The following SCAMP1 variants were observed in gnomAD, a reference collection of about 807,000 sequenced individuals.
SCAMP1 encodes secretory carrier-associated membrane protein 1.
In SCAMP1, 15 loss-of-function variants were observed where a neutral mutation model predicts 41.8. The ratio of observed to expected loss-of-function variants is 0.36; its 90% CI spans 0.24 to 0.55. SCAMP1 has a LOEUF of 0.55. Ranked by LOEUF, SCAMP1 falls within the 20% of genes least tolerant of loss-of-function variation. The probability of loss-of-function intolerance (pLI) is 0.86; values close to 1 mark genes in which losing one functional copy is unlikely to be tolerated. For missense variants in SCAMP1, 341 were observed against 412.6 expected (o/e 0.83, Z 1.50); for synonymous variants, 135 against 136.8 (o/e 0.99, Z 0.09).
At chr5:78,366,876 C>G (rs1056813832) in intron 1 of SCAMP1, among the ~76,000 whole-genome samples, 1 of 142,908 alleles carries the variant, frequency 7.0e-6, no homozygotes, top group Non-Finnish European at 1.5e-5. Context: ...ATCTAAGCTA[C>G]TTGGGAGGCT....
intron 8 of SCAMP1, among the ~76,000 whole-genome samples, chr5:78,466,498 G>A (rs955977964): frequency 5.3e-5 from 8 of 152,166 alleles, no homozygotes; most frequent in African/African-American, 1.4e-4. Context: ...GGGATACCAC[G>A]TTCACATCTA....
Position 78,431,327 on chromosome 5 carries a change from A to G in SCAMP1, c.632+9367A>G, listed in dbSNP as rs542976773. ...TAAAATGTTCAAAATGCTTTTGCAG[A>G]CGCAACTATAGGTTGCCAACCAAAA... On this transcript the variant is annotated intron_variant, in intron 6 of 8. Transcript: ENST00000621999. Among the ~76,000 whole-genome samples, 1,477 of 151,306 alleles carry G rather than the reference A, an allele frequency of 9.8e-3. 6 individuals are homozygous for G. The highest frequency in any genetic ancestry group is 0.015 in the Non-Finnish European group (1,020 of 67,708).
At chr5:78,446,485 T>C (rs1462553158) in intron 6 of SCAMP1, among the ~76,000 whole-genome samples, 2 of 150,404 alleles carry the variant, frequency 1.3e-5, no homozygotes, top group Non-Finnish European at 3.0e-5. Context: ...GCACACAAAA[T>C]AGTAAAAACT....
intron 5 of SCAMP1, among the ~76,000 whole-genome samples, chr5:78,420,080 G>T (rs971416265): frequency 2.0e-5 from 3 of 152,018 alleles, no homozygotes; most frequent in Non-Finnish European, 4.4e-5. Context: ...TTTTGAGACA[G>T]AGTCTTGCTT....
chr5:78,420,729 T>C (rs1487705091), intron 5 of SCAMP1, among the ~76,000 whole-genome samples: 1 of 152,090 alleles, frequency 6.6e-6, no homozygotes, highest in African/African-American at 2.4e-5. Context: ...AAAACAAAAC[T>C]CTAGAGCTTG....
chr5:78,411,212 G>A (rs184000170), intron 2 of SCAMP1, among the ~76,000 whole-genome samples: 18 of 152,004 alleles, frequency 1.2e-4, no homozygotes, highest in East Asian at 7.7e-4. Context: ...ATCTTTGCCC[G>A]TGCCTACACC....
At chr5:78,366,582 A>C (rs1312878333) in intron 1 of SCAMP1, among the ~76,000 whole-genome samples, 3 of 152,238 alleles carry the variant, frequency 2.0e-5, no homozygotes, top group Non-Finnish European at 2.9e-5. Context: ...TTAAGGAAAC[A>C]AACGTTCAGA....
At chr5:78,434,736 T>G (rs1048974496) in intron 6 of SCAMP1, among the ~76,000 whole-genome samples, 1 of 152,176 alleles carries the variant, frequency 6.6e-6, no homozygotes, top group African/African-American at 2.4e-5. Flanking sequence ...CACTTCAGAG[T>G]AAATCACTAC....
At chr5:78,376,643 CATTA>C (rs1253815323) in intron 1 of SCAMP1, among the ~76,000 whole-genome samples, 2 of 152,178 alleles carry the variant, frequency 1.3e-5, no homozygotes, top group Non-Finnish European at 2.9e-5. Context: ...ATCTACTTCA[CATTA>C]ATTATATCTG....
chr5:78,462,274 C>T (rs1157798810), intron 8 of SCAMP1, among the ~76,000 whole-genome samples: 3 of 150,906 alleles, frequency 2.0e-5, no homozygotes, highest in African/African-American at 4.9e-5. Context: ...TCAGCTTGAA[C>T]GTTGTTGGTG....
chr5:78,470,467 G>T (rs1382589421), intron 8 of SCAMP1, among the ~76,000 whole-genome samples: 1 of 152,048 alleles, frequency 6.6e-6, no homozygotes, highest in African/African-American at 2.4e-5. Flanking sequence ...TGTTTTCAAG[G>T]TTCATCCGTG....
intron 7 of SCAMP1, among the ~76,000 whole-genome samples, chr5:78,456,051 A>T (rs1476831288): frequency 1.2e-5 from 1 of 84,086 alleles, no homozygotes; most frequent in Non-Finnish European, 2.3e-5. Context: ...ATCTTCCTCC[A>T]TCCTTTTATT....
intron 8 of SCAMP1, among the ~76,000 whole-genome samples, chr5:78,459,796 CAT>C (rs1753538765): frequency 6.6e-6 from 1 of 152,026 alleles, no homozygotes; most frequent in African/African-American, 2.4e-5. Context: ...TCAGAGGGAA[CAT>C]GTGCAGGTTT....
intron 2 of SCAMP1, among the ~76,000 whole-genome samples, chr5:78,392,324 C>T (rs1464620256): frequency 1.3e-5 from 2 of 152,120 alleles, no homozygotes; most frequent in Non-Finnish European, 2.9e-5. Context: ...AGACACAGGT[C>T]AGCTAGCAAG....
At chr5:78,470,595 T>C (rs1465465997) in intron 8 of SCAMP1, among the ~76,000 whole-genome samples, 1 of 152,200 alleles carries the variant, frequency 6.6e-6, no homozygotes, top group Non-Finnish European at 1.5e-5. Flanking sequence ...TTTTGGCTAT[T>C]GTGAATAGTG....
chr5:78,417,972 A>G lies in SCAMP1; in HGVS notation c.344-803A>G, dbSNP rs13158512. On this transcript the variant is annotated intron_variant, in intron 4 of 8. Coordinates refer to ENST00000621999, the MANE Select transcript of SCAMP1 (RefSeq NM_004866.6). ...GGGATATAACATCTAAAATCGGGAA[A>G]TGGCCTTAGGTGCTGTTTTTACCCG... Among the ~76,000 whole-genome samples the G allele has an allele frequency of 5.0e-3, 761 of 152,238 alleles. 4 individuals are homozygous for G. The highest frequency in any genetic ancestry group is 7.5e-3 in the Non-Finnish European group (510 of 68,006).
chr5:78,361,532 C>T (rs1448182517), intron 1 of SCAMP1, among the ~76,000 whole-genome samples: 1 of 152,198 alleles, frequency 6.6e-6, no homozygotes, highest in Non-Finnish European at 1.5e-5. Context: ...TTGGAGTCGA[C>T]CTTATCAACC....
chr5:78,459,730 T>G (rs1753537010), intron 8 of SCAMP1, among the ~76,000 whole-genome samples: 1 of 152,188 alleles, frequency 6.6e-6, no homozygotes, highest in African/African-American at 2.4e-5. Context: ...TATGTACATT[T>G]TATTCATATA....
chr5:78,383,175 A>G (rs1258621141), intron 1 of SCAMP1, among the ~76,000 whole-genome samples: 3 of 152,226 alleles, frequency 2.0e-5, no homozygotes, highest in East Asian at 1.9e-4. Flanking sequence ...TTTGCTTTGC[A>G]TTTCCCTGAT....
Sources: allele counts gnomAD v4.1 joint callset (sites outside exome capture counted in the v4.1 genomes callset), GRCh38; gene constraint gnomAD v4.1.1; transcripts MANE v1.5; gene names NCBI Gene and HGNC (gene_info 2026-07-23, HGNC 2026-07-21).